The following PLCZ1 variants were observed in gnomAD, a reference collection of about 807,000 sequenced individuals.
The protein encoded by PLCZ1 is 1-phosphatidylinositol 4,5-bisphosphate phosphodiesterase zeta-1.
A neutral mutation model predicts 76.8 loss-of-function variants in PLCZ1; 64 were observed. That is an observed-to-expected ratio of 0.83 (90% CI 0.68 to 1.03). The LOEUF (loss-of-function observed/expected upper bound fraction) is 1.03. Among genes scored for constraint, PLCZ1 ranks in the 50% least tolerant of loss-of-function variants. PLCZ1 has a pLI of 0.00. For synonymous variants in PLCZ1, 248 were observed against 230.8 expected (o/e 1.07, Z -0.68); for missense variants, 751 against 713.7 (o/e 1.05, Z -0.60).
At position 18,723,368 on chromosome 12, in the gene PLCZ1, C is replaced by T; in HGVS notation, c.310G>A (p.Glu104Lys). The T allele has an allele frequency of 6.2e-6, 10 of 1,612,952 alleles. No individual in the cohort carries two copies. The highest frequency in any genetic ancestry group is 8.5e-6 in the Non-Finnish European group (10 of 1,179,452). ...TCAAAAGCAATAGCTTTACTCATCT[C>T]AGCTGCATATTGTTCTTGTGTCAGA... ...QFLTQEQYAA[E>K]MSKAIAFEII... Residue 104 changes from glutamate (E) to lysine (K), a missense_variant, in exon 4 of 15, where the codon GAG becomes AAG. By Grantham distance (56) the Glu-to-Lys change is moderately conservative. Transcript: ENST00000266505.
At chr12:18,682,709 T>G (rs541545823), downstream of PLCZ1, among the ~76,000 whole-genome samples, 1 of 152,104 alleles carries the variant, frequency 6.6e-6, no homozygotes, top group African/African-American at 2.4e-5. Context: ...TAAAAATGGC[T>G]GTCTAATTAC....
chr12:18,716,786 C>A (rs1207199007), intron 5 of PLCZ1, among the ~76,000 whole-genome samples: 1 of 151,994 alleles, frequency 6.6e-6, no homozygotes, highest in Non-Finnish European at 1.5e-5. Flanking sequence ...TTTGTTGTAA[C>A]TTATTTAGAT....
At chr12:18,670,266 C>T in the PLCZ1 span, among the ~76,000 whole-genome samples, 77 of 152,058 alleles carry the variant, frequency 5.1e-4, no homozygotes, top group African/African-American at 1.7e-3. Context: ...TACATTTCTC[C>T]ACAATTACAG....
downstream of PLCZ1, among the ~76,000 whole-genome samples, chr12:18,682,090 G>A (rs369548538): frequency 1.2e-3 from 178 of 152,116 alleles, 2 homozygotes; most frequent in Middle Eastern, 6.8e-3. Context: ...GGAAGGGTGT[G>A]CACTGATCTT....
chr12:18,725,779 TTTTG>T (rs1213282318), intron 3 of PLCZ1, among the ~76,000 whole-genome samples: 9 of 152,226 alleles, frequency 5.9e-5, no homozygotes, highest in South Asian at 2.1e-4. Context: ...CGTTGTTGTT[TTTTG>T]TTTGTTTGTT....
intron 13 of PLCZ1, among the ~76,000 whole-genome samples, chr12:18,686,632 C>G (rs1183993402): frequency 2.0e-5 from 3 of 152,046 alleles, no homozygotes; most frequent in Admixed American, 6.6e-5. Context: ...TCTCCAAGAA[C>G]CATCTCCAAA....
At chr12:18,720,950 C>T (rs1958403046) in intron 4 of PLCZ1, among the ~76,000 whole-genome samples, 1 of 151,966 alleles carries the variant, frequency 6.6e-6, no homozygotes, top group Non-Finnish European at 1.5e-5. Context: ...AATGCTATTA[C>T]TATTTTGGTT....
chr12:18,711,074 C>A (rs1957253139), intron 6 of PLCZ1, among the ~76,000 whole-genome samples: 1 of 152,010 alleles, frequency 6.6e-6, no homozygotes, highest in South Asian at 2.1e-4. Context: ...GCTATAAAGA[C>A]ATATGCACAT....
the PLCZ1 span, among the ~76,000 whole-genome samples, chr12:18,653,943 G>A: frequency 6.6e-6 from 1 of 151,954 alleles, no homozygotes; most frequent in South Asian, 2.1e-4. Flanking sequence ...CAGCCTTCTG[G>A]CTCCATGATT....
At chr12:18,655,299 C>T in the PLCZ1 span, among the ~76,000 whole-genome samples, 1 of 152,062 alleles carries the variant, frequency 6.6e-6, no homozygotes, top group Non-Finnish European at 1.5e-5. Context: ...GACACAGGAG[C>T]CAACTGAAAG....
At chr12:18,666,924 T>C in the PLCZ1 span, among the ~76,000 whole-genome samples, 3 of 152,190 alleles carry the variant, frequency 2.0e-5, no homozygotes, top group African/African-American at 7.2e-5. Flanking sequence ...ACAAATTCTC[T>C]AGGAGGCAGG....
intron 3 of PLCZ1, among the ~76,000 whole-genome samples, chr12:18,734,920 GTGT>G (rs1215181040): frequency 1.3e-5 from 2 of 152,108 alleles, no homozygotes; most frequent in Admixed American, 6.5e-5. Flanking sequence ...GGACTTTAAT[GTGT>G]TAAGTTCCTT....
the PLCZ1 span, among the ~76,000 whole-genome samples, chr12:18,662,056 T>A: frequency 1.5e-4 from 23 of 152,114 alleles, no homozygotes; most frequent in African/African-American, 5.3e-4. Context: ...TTCTCCCGTA[T>A]TAAGTAGGAA....
intron 3 of PLCZ1, among the ~76,000 whole-genome samples, chr12:18,730,359 A>AT (rs1958975317): frequency 6.6e-6 from 1 of 152,164 alleles, no homozygotes; most frequent in Non-Finnish European, 1.5e-5. Flanking sequence ...TACTTAATCA[A>AT]CATTTTAATG....
At chr12:18,660,300 T>A in the PLCZ1 span, among the ~76,000 whole-genome samples, 1 of 152,118 alleles carries the variant, frequency 6.6e-6, no homozygotes, top group Admixed American at 6.6e-5. Flanking sequence ...CCATTAAATA[T>A]CAGGGATCTG....
At chr12:18,698,328 T>A (rs750970030) in intron 10 of PLCZ1, among the ~76,000 whole-genome samples, 7 of 151,862 alleles carry the variant, frequency 4.6e-5, no homozygotes, top group Non-Finnish European at 7.4e-5. Context: ...TTCTACTCTA[T>A]ACTACTCTAT....
the PLCZ1 span, among the ~76,000 whole-genome samples, chr12:18,662,784 G>A: frequency 2.0e-5 from 3 of 152,054 alleles, no homozygotes; most frequent in African/African-American, 7.2e-5. Context: ...AATCAAATTA[G>A]AGAGTTATAA....
chr12:18,686,564 A>T (rs1953184710), intron 13 of PLCZ1, among the ~76,000 whole-genome samples: 1 of 152,058 alleles, frequency 6.6e-6, no homozygotes, highest in Admixed American at 6.6e-5. Flanking sequence ...TTTAAGACTT[A>T]TATTATGGCT....
intron 3 of PLCZ1, among the ~76,000 whole-genome samples, chr12:18,725,058 T>C (rs1958673752): frequency 6.6e-6 from 1 of 152,106 alleles, no homozygotes; most frequent in South Asian, 2.1e-4. Context: ...CCAAACAAAA[T>C]TCCACAAATC....
Sources: allele counts gnomAD v4.1 joint callset (sites outside exome capture counted in the v4.1 genomes callset), GRCh38; gene constraint gnomAD v4.1.1; transcripts MANE v1.5; gene names NCBI Gene and HGNC (gene_info 2026-07-23, HGNC 2026-07-21).